Variants in PPP1R3A observed in about 807,000 individuals in gnomAD.
PPP1R3A encodes RG1.
In PPP1R3A, 29 loss-of-function variants were observed where a neutral mutation model predicts 41.7. The observed-to-expected ratio is 0.70, with a 90% confidence interval of 0.52 to 0.95. PPP1R3A has a LOEUF of 0.95. PPP1R3A is among the 40% of genes least tolerant of loss of function. The probability of loss-of-function intolerance (pLI) is 0.00; values close to 1 mark genes in which losing one functional copy is unlikely to be tolerated. For synonymous variants in PPP1R3A, 485 were observed against 453.4 expected, an observed-to-expected ratio of 1.07 and a Z score of -0.89; for missense variants, 1,352 against 1,292.4, an observed-to-expected ratio of 1.05 and a Z score of -0.71.
At chr7:113,881,303 T>C (rs902724639) in intron 3 of PPP1R3A, among the ~76,000 whole-genome samples, 3 of 152,050 alleles carry the variant, frequency 2.0e-5, no homozygotes, top group Non-Finnish European at 4.4e-5. Context: ...TAATCTTAGA[T>C]GATTATGAAT....
intron 1 of PPP1R3A, among the ~76,000 whole-genome samples, chr7:113,892,792 G>A (rs1042099408): frequency 5.3e-5 from 8 of 152,124 alleles, no homozygotes; most frequent in African/African-American, 1.9e-4. Context: ...ATTGAAAGAA[G>A]CAAAAAATAA....
intron 1 of PPP1R3A, among the ~76,000 whole-genome samples, chr7:113,891,133 GT>G (rs1796880291): frequency 7.5e-6 from 1 of 132,724 alleles, no homozygotes; most frequent in African/African-American, 3.0e-5. Context: ...GCAAATCTCA[GT>G]ATTTCCGGTT....
intron 1 of PPP1R3A, among the ~76,000 whole-genome samples, chr7:113,910,153 A>G (rs147728849): frequency 0.014 from 2,174 of 152,060 alleles, 43 homozygotes; most frequent in African/African-American, 0.045. Flanking sequence ...GGGGGAACCC[A>G]CCCCCATGAT....
chr7:113,907,851 A>G (rs1228615080), intron 1 of PPP1R3A, among the ~76,000 whole-genome samples: 1 of 151,814 alleles, frequency 6.6e-6, no homozygotes, highest in East Asian at 1.9e-4. Flanking sequence ...CAAAGGTTCT[A>G]TTTCTTCCAG....
chr7:113,914,575 C>T lies in PPP1R3A; in HGVS notation c.782+3640G>A, dbSNP rs972455252. 3.9e-5 allele frequency among the ~76,000 whole-genome samples: 6 copies of T among 152,188 alleles called. No homozygotes were observed. The South Asian group carries it at 1.0e-3, about 26-fold the overall frequency. ...CTCCAAAGCTGAAAATTTAGAAGCC[C>T]TGAAATGAAAGAGGAGAAGAACTTT... On this transcript the variant is annotated intron_variant, in intron 1 of 3. Coordinates refer to ENST00000284601, the MANE Select transcript of PPP1R3A (RefSeq NM_002711.4).
intron 1 of PPP1R3A, among the ~76,000 whole-genome samples, chr7:113,889,100 A>G (rs1180627747): frequency 2.6e-5 from 4 of 152,124 alleles, no homozygotes; most frequent in Non-Finnish European, 5.9e-5. Flanking sequence ...GGTGCTAAAA[A>G]TTTCCTAAAA....
chr7:113,878,411 G>A lies in PPP1R3A; in HGVS notation c.2681C>T (p.Ser894Leu), dbSNP rs140543337. The A allele has an allele frequency of 4.0e-5, 64 of 1,611,648 alleles. No homozygotes were observed. The Middle Eastern group carries it at 6.6e-4, about 17-fold the overall frequency. ...QVQELSKKTD[S>L]DAIVHSAFNS... The stretch of plus-strand genomic sequence containing the variant: ...AAAAGCAGAATGCACAATGGCATCC[G>A]AGTCTGTTTTCTTTGATAATTCTTG... The change falls in exon 4 of 4, where the codon TCG becomes TTG. Residue 894 changes from serine (S) to leucine (L), a missense_variant. Physicochemically the swap from Ser to Leu is moderately radical, Grantham distance 145. Transcript: ENST00000284601.
chr7:113,897,565 GAAA>G (rs11336103), intron 1 of PPP1R3A, among the ~76,000 whole-genome samples: 9 of 144,168 alleles, frequency 6.2e-5, no homozygotes, highest in Non-Finnish European at 1.5e-5. Flanking sequence ...TCTCTTAAAG[GAAA>G]AAAAAAAAAA....
chr7:113,912,415 AAC>A (rs368290503), intron 1 of PPP1R3A, among the ~76,000 whole-genome samples: 8 of 151,980 alleles, frequency 5.3e-5, no homozygotes, highest in Non-Finnish European at 5.9e-5. Flanking sequence ...ATAAGCATAC[AAC>A]ACACACACAC....
intron 1 of PPP1R3A, among the ~76,000 whole-genome samples, chr7:113,911,661 T>C (rs574172634): frequency 4.3e-4 from 66 of 152,084 alleles, no homozygotes; most frequent in Non-Finnish European, 8.2e-4. Flanking sequence ...GTTGCTAAAA[T>C]TTGGAAATCA....
At position 113,913,888 on chromosome 7, in the gene PPP1R3A, C is replaced by T. The variant is rs187435053; in HGVS notation, c.782+4327G>A. On this transcript the variant is annotated intron_variant, in intron 1 of 3. Transcript: ENST00000284601. ...TTTTCTCTCTTCCCTTCATTTCTCT[C>T]TGCTTTTCAAGGCCTTTTCCCTTGG... Among the ~76,000 whole-genome samples, 196 of 152,262 alleles carry T rather than the reference C, an allele frequency of 1.3e-3. 1 individual carries two copies. Among genetic ancestry groups the T allele is most frequent in the African/African-American group, 4.5e-3 (189 of 41,552 alleles).
intron 1 of PPP1R3A, among the ~76,000 whole-genome samples, chr7:113,886,445 G>T (rs970038568): frequency 3.3e-5 from 5 of 152,204 alleles, no homozygotes; most frequent in Admixed American, 2.6e-4. Flanking sequence ...CTTGCCTTCT[G>T]CCATGATTGT....
intron 1 of PPP1R3A, among the ~76,000 whole-genome samples, chr7:113,913,047 C>T (rs1318555974): frequency 6.6e-6 from 1 of 152,074 alleles, no homozygotes; most frequent in Admixed American, 6.6e-5. Flanking sequence ...CGCTGTCAAC[C>T]AGCTGGCTGC....
chr7:113,914,618 G>A (rs140519941), intron 1 of PPP1R3A, among the ~76,000 whole-genome samples: 51 of 152,196 alleles, frequency 3.4e-4, no homozygotes, highest in African/African-American at 1.1e-3. Flanking sequence ...CTTGAGCCTT[G>A]CAGTTTTTCA....
At chr7:113,891,248 C>A (rs182446904) in intron 1 of PPP1R3A, among the ~76,000 whole-genome samples, 180 of 152,028 alleles carry the variant, frequency 1.2e-3, no homozygotes, top group Non-Finnish European at 1.5e-3. Flanking sequence ...CTACTCCTAA[C>A]ACAGAGTAAT....
intron 1 of PPP1R3A, among the ~76,000 whole-genome samples, chr7:113,888,074 A>G (rs1489686757): frequency 6.6e-6 from 1 of 152,040 alleles, no homozygotes; most frequent in Non-Finnish European, 1.5e-5. Flanking sequence ...TCTAGAAACA[A>G]CAAAATGTTC....
At chr7:113,908,679 T>C (rs1166402457) in intron 1 of PPP1R3A, among the ~76,000 whole-genome samples, 1 of 151,906 alleles carries the variant, frequency 6.6e-6, no homozygotes, top group East Asian at 1.9e-4. Flanking sequence ...ACATTTCTTT[T>C]CCAGACACAC....
chr7:113,913,642 A>G (rs771930605), intron 1 of PPP1R3A, among the ~76,000 whole-genome samples: 3 of 152,124 alleles, frequency 2.0e-5, no homozygotes, highest in Non-Finnish European at 4.4e-5. Context: ...AAACCAGATG[A>G]ACTCAACCGG....
intron 1 of PPP1R3A, among the ~76,000 whole-genome samples, chr7:113,884,882 G>T (rs969351216): frequency 2.0e-5 from 3 of 151,954 alleles, no homozygotes; most frequent in African/African-American, 7.2e-5. Context: ...CAAGGGTGCA[G>T]ACATTTCAGA....
Sources: gnomAD v4.1 joint callset for allele counts (sites outside exome capture counted in the v4.1 genomes callset) on GRCh38, gnomAD v4.1.1 for gene constraint, MANE v1.5 for transcripts, NCBI Gene and HGNC (gene_info 2026-07-23, HGNC 2026-07-21) for gene names.